RIMS2: variants seen among roughly 807,000 people sequenced by gnomAD.
The protein encoded by RIMS2 is regulating synaptic membrane exocytosis 2.
Under a neutral mutation model 174.4 loss-of-function variants are expected in RIMS2, and 59 were observed. That is an observed-to-expected ratio of 0.34 (90% confidence interval 0.27 to 0.42). The LOEUF (loss-of-function observed/expected upper bound fraction) is 0.42, where lower values mean the gene tolerates loss of function less well. Ranked by LOEUF, RIMS2 falls within the 10% of genes least tolerant of loss-of-function variation. The pLI, the probability that RIMS2 is intolerant of heterozygous loss-of-function variation, is 1.00. For missense variants in RIMS2, 1,620 were observed against 1,666.3 expected, an observed-to-expected ratio of 0.97 and a Z score of 0.48; for synonymous variants, 606 against 572.5, an observed-to-expected ratio of 1.06 and a Z score of -0.84.
In RIMS2 at chr8:104,015,515, C is replaced by T. The variant is rs569479635; in HGVS notation, c.3334+900C>T. 17 of 616,338 alleles carry T rather than the reference C, an allele frequency of 2.8e-5. No individual in the cohort carries two copies. The South Asian group carries it at 2.9e-4, about 10-fold the overall frequency. 38.2% of individuals were successfully genotyped at this position (616,338 alleles called of 1,614,324 possible). ...ACAGCCTTTTTGGGGGGCTAGTAAG[C>T]AAAAATAAACCCAACTGCAATTGAT... On this transcript the variant is annotated intron_variant, in intron 19 of 23. Transcript: ENST00000504942.
intron 15 of RIMS2, among the ~76,000 whole-genome samples, chr8:103,970,523 T>G (rs1043303756): frequency 6.6e-6 from 1 of 152,062 alleles, no homozygotes; most frequent in Non-Finnish European, 1.5e-5. Flanking sequence ...TGGAGGTGAG[T>G]CTCACAATAT....
At chr8:104,245,489 C>T (rs2099326438) in intron 20 of RIMS2, among the ~76,000 whole-genome samples, 1 of 152,138 alleles carries the variant, frequency 6.6e-6, no homozygotes, top group Non-Finnish European at 1.5e-5. Context: ...CAACAAACAA[C>T]TATAATTATT....
intron 19 of RIMS2, among the ~76,000 whole-genome samples, chr8:104,073,275 T>C (rs1030564156): frequency 1.3e-5 from 2 of 152,198 alleles, no homozygotes; most frequent in East Asian, 1.9e-4. Flanking sequence ...TTTAAACATA[T>C]GAGCTTTAGT....
intron 17 of RIMS2, among the ~76,000 whole-genome samples, chr8:103,990,636 T>G (rs189660729): frequency 1.3e-5 from 2 of 152,134 alleles, no homozygotes; most frequent in East Asian, 3.9e-4. Context: ...AGGAGTCATA[T>G]TAGGATGAAT....
intron 19 of RIMS2, among the ~76,000 whole-genome samples, chr8:104,113,722 C>T (rs186221957): frequency 1.3e-5 from 2 of 150,840 alleles, no homozygotes; most frequent in African/African-American, 4.9e-5. Context: ...ACATATAGTT[C>T]TACTTTTATT....
intron 19 of RIMS2, among the ~76,000 whole-genome samples, chr8:104,090,532 G>T (rs2097632748): frequency 6.6e-6 from 1 of 151,612 alleles, no homozygotes. Flanking sequence ...AGGAAAGCTG[G>T]GATACACGAG....
At chr8:104,064,732 T>C (rs2097073192) in intron 19 of RIMS2, among the ~76,000 whole-genome samples, 1 of 152,056 alleles carries the variant, frequency 6.6e-6, no homozygotes, top group African/African-American at 2.4e-5. Context: ...GTTTAATACA[T>C]TATACATTAA....
intron 3 of RIMS2, chr8:103,819,767 T>C: frequency 1.7e-6 from 1 of 585,320 alleles, no homozygotes; most frequent in Non-Finnish European, 2.8e-6. Context: ...AAATTTTATA[T>C]AGCATTCTTA....
At chr8:103,852,159 T>G (rs2935298) in intron 3 of RIMS2, among the ~76,000 whole-genome samples, 19,868 of 151,980 alleles carry the variant, frequency 0.13, 1,769 homozygotes, top group Non-Finnish European at 0.2. Flanking sequence ...GATCCTGTTT[T>G]TTCTCTTATG....
At position 103,968,515 on chromosome 8, in the gene RIMS2, CT is replaced by C. The variant is rs146890850; in HGVS notation, c.2771-6826del. 9.5e-5 allele frequency among the ~76,000 whole-genome samples: 14 copies of C among 147,168 alleles called. No homozygotes were observed. In the South Asian group the frequency reaches 2.0e-3, roughly 21 times the overall value. On this transcript the variant is annotated intron_variant, in intron 15 of 23. Coordinates refer to ENST00000504942, the Ensembl canonical transcript of RIMS2. ...TATCAGTTATACTTCTTTTTCTTAC[CT>C]TTTTTTTTGGGTAGGTACTCTAGAG...
intron 19 of RIMS2, among the ~76,000 whole-genome samples, chr8:104,164,095 T>G (rs1239777620): frequency 6.6e-6 from 1 of 152,164 alleles, no homozygotes; most frequent in Non-Finnish European, 1.5e-5. Flanking sequence ...ATCAAATCCT[T>G]TCCAGTCCCA....
chr8:104,134,798 G>T (rs2133176669), intron 19 of RIMS2, among the ~76,000 whole-genome samples: 1 of 152,236 alleles, frequency 6.6e-6, no homozygotes, highest in Admixed American at 6.5e-5. Context: ...TTGGGGCATT[G>T]TCCCCATAAA....
chr8:104,228,297 A>G (rs1240565864), intron 19 of RIMS2, among the ~76,000 whole-genome samples: 6 of 151,968 alleles, frequency 3.9e-5, no homozygotes, highest in African/African-American at 1.4e-4. Context: ...CAAAGTGCTG[A>G]GATTACAGGC....
chr8:103,576,851 T>C (rs533795206), intron 1 of RIMS2, among the ~76,000 whole-genome samples: 7 of 152,260 alleles, frequency 4.6e-5, no homozygotes, highest in East Asian at 1.9e-4. Context: ...ATCAATGGTG[T>C]TGGGAAAACC....
At chr8:103,630,242 TG>T (rs1288909067) in intron 1 of RIMS2, among the ~76,000 whole-genome samples, 10 of 152,092 alleles carry the variant, frequency 6.6e-5, no homozygotes, top group African/African-American at 2.4e-4. Context: ...CAGATTTTTT[TG>T]AATGATAGCA....
intron 13 of RIMS2, among the ~76,000 whole-genome samples, chr8:103,938,435 C>A (rs2081792196): frequency 6.6e-6 from 1 of 152,096 alleles, no homozygotes; most frequent in Non-Finnish European, 1.5e-5. Flanking sequence ...AGGAGAACAG[C>A]ATGAGAAAGA....
intron 3 of RIMS2, among the ~76,000 whole-genome samples, chr8:103,791,345 A>G (rs1319586752): frequency 6.6e-6 from 1 of 152,148 alleles, no homozygotes; most frequent in African/African-American, 2.4e-5. Flanking sequence ...AATCAGAAAT[A>G]AATCCTTTAC....
chr8:104,177,585 A>T (rs2098911122), intron 19 of RIMS2, among the ~76,000 whole-genome samples: 1 of 152,194 alleles, frequency 6.6e-6, no homozygotes, highest in African/African-American at 2.4e-5. Context: ...ATCTCTTCAA[A>T]TCGATCACAT....
At chr8:103,728,763 T>C (rs1261774658) in intron 2 of RIMS2, among the ~76,000 whole-genome samples, 59 of 150,134 alleles carry the variant, frequency 3.9e-4, no homozygotes, top group Non-Finnish European at 6.5e-4. Context: ...TTTTTTTTTT[T>C]TTTTAGGATT....
Sources: gnomAD v4.1 joint callset for allele counts (sites outside exome capture counted in the v4.1 genomes callset) on GRCh38, gnomAD v4.1.1 for gene constraint, MANE v1.5 for transcripts, NCBI Gene and HGNC (gene_info 2026-07-23, HGNC 2026-07-21) for gene names.